Variants in COL21A1 observed in about 807,000 individuals in gnomAD.
The protein encoded by COL21A1 is collagen alpha-1(XXI) chain.
A neutral mutation model predicts 137.9 loss-of-function variants in COL21A1; 149 were observed. The observed-to-expected ratio is 1.08, with a 90% CI of 0.95 to 1.24. COL21A1 has a LOEUF of 1.24. COL21A1 is among the 50% of genes most tolerant of loss of function. COL21A1 has a pLI of 0.00. For missense variants in COL21A1, 1,167 were observed against 1,158.4 expected (o/e 1.01, Z -0.11); for synonymous variants, 456 against 391.5 (o/e 1.16, Z -1.95).
At chr6:56,129,063 A>G (rs908787542) in intron 12 of COL21A1, among the ~76,000 whole-genome samples, 3 of 152,172 alleles carry the variant, frequency 2.0e-5, no homozygotes, top group Non-Finnish European at 4.4e-5. Context: ...GCTACGGTGG[A>G]GGACAGATTC....
intron 17 of COL21A1, among the ~76,000 whole-genome samples, chr6:56,093,172 T>C (rs62404867): frequency 0.15 from 23,118 of 152,078 alleles, 1,788 homozygotes; most frequent in Middle Eastern, 0.22. Flanking sequence ...TTACAGATTC[T>C]GGGGATTAAG....
chr6:56,069,711 T>C (rs182926600), intron 21 of COL21A1, among the ~76,000 whole-genome samples: 124 of 150,772 alleles, frequency 8.2e-4, no homozygotes, highest in Non-Finnish European at 1.5e-3. Flanking sequence ...AAAGTTCTTA[T>C]GCTATCATAT....
At chr6:56,185,426 C>CTTTTTTT (rs777045553) in intron 1 of COL21A1, among the ~76,000 whole-genome samples, 8,027 of 99,874 alleles carry the variant, frequency 0.08, 1,011 homozygotes, top group East Asian at 0.1. Context: ...AATGAACAGT[C>CTTTTTTT]TTTTTTTTTT....
chr6:56,073,905 T>G (rs977450197), intron 20 of COL21A1, among the ~76,000 whole-genome samples: 2 of 151,486 alleles, frequency 1.3e-5, no homozygotes, highest in Non-Finnish European at 3.0e-5. Context: ...TATTCATAAC[T>G]ATGAATGCTC....
chr6:56,079,144 G>A (rs61200368), intron 17 of COL21A1, among the ~76,000 whole-genome samples: 23,036 of 151,556 alleles, frequency 0.15, 1,782 homozygotes, highest in Middle Eastern at 0.22. Context: ...ACCCACACAC[G>A]TGTGAAAATT....
At chr6:56,210,845 G>T (rs965063198) in intron 1 of COL21A1, among the ~76,000 whole-genome samples, 3 of 151,930 alleles carry the variant, frequency 2.0e-5, no homozygotes, top group African/African-American at 7.2e-5. Flanking sequence ...GTATGACAAG[G>T]GTAAGGAAAC....
chr6:56,097,902 A>AAT lies in COL21A1; in HGVS notation c.1812+3568_1812+3569dup, dbSNP rs1247822283. Among the ~76,000 whole-genome samples the AAT allele has an allele frequency of 1.2e-3, 98 of 79,932 alleles. 1 individual carries two copies. The highest frequency in any genetic ancestry group is 1.7e-3 in the Non-Finnish European group (72 of 43,396). 52.4% of individuals were successfully genotyped at this position (79,932 alleles called of 152,430 possible). Reference sequence around the variant, plus strand: ...ATATATAAATATATATAAATATATAAATATATAAATATATATAAATATATA... The same window carrying AAT: ...ATATATAAATATATATAAATATATAAATATATATAAATATATATAAATATATA... On this transcript the variant is annotated intron_variant, in intron 17 of 29. Coordinates refer to ENST00000244728, the MANE Select transcript of COL21A1 (RefSeq NM_030820.4).
intron 1 of COL21A1, among the ~76,000 whole-genome samples, chr6:56,305,711 A>G (rs1223215981): frequency 3.3e-5 from 5 of 152,110 alleles, no homozygotes; most frequent in Non-Finnish European, 7.4e-5. Flanking sequence ...GTGCCCTTTA[A>G]TTGGAGCATT....
At chr6:56,329,962 T>C (rs1036032032) in intron 1 of COL21A1, among the ~76,000 whole-genome samples, 21 of 152,118 alleles carry the variant, frequency 1.4e-4, no homozygotes, top group Non-Finnish European at 2.9e-4. Flanking sequence ...GATTTGACCA[T>C]GAAGTATCAT....
chr6:56,311,966 C>T (rs990416690), intron 1 of COL21A1, among the ~76,000 whole-genome samples: 2 of 152,066 alleles, frequency 1.3e-5, no homozygotes, highest in African/African-American at 4.8e-5. Context: ...TGAAGGTTTG[C>T]GGTAGTAAGT....
intron 1 of COL21A1, among the ~76,000 whole-genome samples, chr6:56,189,404 A>C (rs944280030): frequency 1.3e-5 from 2 of 152,056 alleles, no homozygotes; most frequent in East Asian, 3.9e-4. Flanking sequence ...TAAAGTGAAA[A>C]GACAAGATTA....
intron 2 of COL21A1, among the ~76,000 whole-genome samples, chr6:56,180,482 A>G (rs772401984): frequency 6.6e-6 from 1 of 152,224 alleles, no homozygotes; most frequent in Non-Finnish European, 1.5e-5. Context: ...TCTCATATTC[A>G]GTGAATAATG....
At chr6:56,213,557 A>T (rs971225254) in intron 1 of COL21A1, among the ~76,000 whole-genome samples, 1 of 152,092 alleles carries the variant, frequency 6.6e-6, no homozygotes, top group Non-Finnish European at 1.5e-5. Flanking sequence ...TAGCCCTTCA[A>T]TGATTGTTGT....
intron 1 of COL21A1, among the ~76,000 whole-genome samples, chr6:56,377,303 T>A (rs994898760): frequency 2.0e-5 from 3 of 152,082 alleles, no homozygotes; most frequent in Non-Finnish European, 2.9e-5. Context: ...AAAACAGTCT[T>A]AAATCACAGA....
intron 1 of COL21A1, among the ~76,000 whole-genome samples, chr6:56,330,222 A>C (rs181852463): frequency 3.4e-4 from 52 of 152,200 alleles, no homozygotes; most frequent in Admixed American, 1.7e-3. Flanking sequence ...AATAATTTGA[A>C]AATTTGGAAA....
At chr6:56,276,596 C>T (rs2152333265) in intron 1 of COL21A1, 2 of 1,420,496 alleles carry the variant, frequency 1.4e-6, no homozygotes, top group South Asian at 1.2e-5. Context: ...AGAGAGAACG[C>T]CAGGGTATTC....
intron 1 of COL21A1, among the ~76,000 whole-genome samples, chr6:56,295,286 G>T (rs1230764824): frequency 6.6e-6 from 1 of 151,966 alleles, no homozygotes; most frequent in Non-Finnish European, 1.5e-5. Flanking sequence ...TGGGCTCCCT[G>T]TTCCATTCCA....
intron 17 of COL21A1, among the ~76,000 whole-genome samples, chr6:56,097,326 A>T (rs1312773998): frequency 6.6e-6 from 1 of 151,976 alleles, no homozygotes; most frequent in Non-Finnish European, 1.5e-5. Context: ...CATCTCAATA[A>T]CGTCTACTAC....
chr6:56,299,012 G>A (rs1371604960), intron 1 of COL21A1, among the ~76,000 whole-genome samples: 1 of 152,086 alleles, frequency 6.6e-6, no homozygotes, highest in Non-Finnish European at 1.5e-5. Flanking sequence ...TTTTCTTCAT[G>A]TGTCACTTGC....
Sources: allele counts gnomAD v4.1 joint callset (sites outside exome capture counted in the v4.1 genomes callset), GRCh38; gene constraint gnomAD v4.1.1; transcripts MANE v1.5; gene names NCBI Gene and HGNC (gene_info 2026-07-23, HGNC 2026-07-21).